The following MRTFB variants were observed in gnomAD, a reference collection of about 807,000 sequenced individuals.
The protein encoded by MRTFB is myocardin related transcription factor B.
Under a neutral mutation model 104.2 loss-of-function variants are expected in MRTFB, and 29 were observed. That is an observed-to-expected ratio of 0.28 (90% CI 0.21 to 0.38). The LOEUF is 0.38. Among genes scored for constraint, MRTFB ranks in the 10% least tolerant of loss-of-function variants. The pLI is 1.00. For synonymous variants in MRTFB, 535 were observed against 519.5 expected (o/e 1.03, Z -0.41); for missense variants, 1,270 against 1,341.6 (o/e 0.95, Z 0.83).
At chr16:14,239,325 C>G (rs1256127188) in intron 9 of MRTFB, among the ~76,000 whole-genome samples, 1 of 152,198 alleles carries the variant, frequency 6.6e-6, no homozygotes, top group African/African-American at 2.4e-5. Context: ...AGAAATGAGA[C>G]TATTCCTAAC....
At chr16:14,027,858 A>G in the MRTFB span, among the ~76,000 whole-genome samples, 7 of 152,218 alleles carry the variant, frequency 4.6e-5, no homozygotes, top group African/African-American at 1.4e-4. Context: ...GCAACTTACC[A>G]TGGTGTGTAG....
intron 2 of MRTFB, among the ~76,000 whole-genome samples, chr16:14,114,024 C>T (rs1258253661): frequency 6.6e-6 from 1 of 152,142 alleles, no homozygotes; most frequent in Non-Finnish European, 1.5e-5. Context: ...AAAATAGTTG[C>T]TATGGATTGC....
chr16:14,021,786 C>T, the MRTFB span, among the ~76,000 whole-genome samples: 7 of 152,272 alleles, frequency 4.6e-5, 1 homozygote, highest in South Asian at 1.0e-3. Flanking sequence ...AGTATTCCAT[C>T]GTATATACCA....
At chr16:14,245,029 G>GT (rs1398448012) in intron 10 of MRTFB, among the ~76,000 whole-genome samples, 1 of 152,188 alleles carries the variant, frequency 6.6e-6, no homozygotes, top group Non-Finnish European at 1.5e-5. Flanking sequence ...CAAGAGCCAT[G>GT]TTTTTTTCTG....
the MRTFB span, among the ~76,000 whole-genome samples, chr16:14,055,331 A>G: frequency 6.6e-6 from 1 of 152,232 alleles, no homozygotes; most frequent in Non-Finnish European, 1.5e-5. Context: ...AGCCTGGGCA[A>G]CAAGAGTGAA....
At chr16:14,121,317 A>G (rs1471981736) in intron 2 of MRTFB, among the ~76,000 whole-genome samples, 1 of 152,090 alleles carries the variant, frequency 6.6e-6, no homozygotes, top group Non-Finnish European at 1.5e-5. Context: ...TCTTTTGAAG[A>G]AAAGCTTCCA....
the MRTFB span, among the ~76,000 whole-genome samples, chr16:13,997,755 T>G: frequency 7.3e-6 from 1 of 137,216 alleles, no homozygotes; most frequent in Non-Finnish European, 1.5e-5. Flanking sequence ...TTTGCACCAC[T>G]GCGCTCCAGC....
intron 3 of MRTFB, among the ~76,000 whole-genome samples, chr16:14,204,184 C>T (rs573365132): frequency 6.6e-6 from 1 of 152,074 alleles, no homozygotes; most frequent in East Asian, 1.9e-4. Context: ...CTATGTTGCC[C>T]AGGCTGTTCT....
chr16:14,216,885 G>A (rs1439277949), intron 6 of MRTFB, among the ~76,000 whole-genome samples: 1 of 152,116 alleles, frequency 6.6e-6, no homozygotes. Context: ...TTGGTTTAAG[G>A]TCCTGTTAAT....
chr16:14,030,773 C>G, the MRTFB span, among the ~76,000 whole-genome samples: 1 of 152,162 alleles, frequency 6.6e-6, no homozygotes, highest in Non-Finnish European at 1.5e-5. Context: ...TTACCAGTCC[C>G]TAGTGGAACC....
At chr16:14,097,049 G>A (rs1427446952) in intron 2 of MRTFB, among the ~76,000 whole-genome samples, 1 of 152,132 alleles carries the variant, frequency 6.6e-6, no homozygotes, top group Non-Finnish European at 1.5e-5. Context: ...CATTGTTTTA[G>A]TCTACCTGTA....
At chr16:14,175,779 TAGAA>T (rs1352812091) in intron 3 of MRTFB, among the ~76,000 whole-genome samples, 2 of 152,142 alleles carry the variant, frequency 1.3e-5, no homozygotes, top group Non-Finnish European at 2.9e-5. Flanking sequence ...TACTCAGTAA[TAGAA>T]AGGAACCAAC....
At chr16:14,171,860 A>G (rs908916403) in intron 3 of MRTFB, among the ~76,000 whole-genome samples, 1 of 152,196 alleles carries the variant, frequency 6.6e-6, no homozygotes, top group African/African-American at 2.4e-5. Context: ...GGAGTTCAGT[A>G]TTTGTTCATA....
chr16:14,247,726 C>T, intron 12 of MRTFB: 1 of 564,580 alleles, frequency 1.8e-6, no homozygotes, highest in Non-Finnish European at 3.1e-6. Flanking sequence ...GTCCTGTTAC[C>T]TTTTCCCTTG....
Position 14,264,654 on chromosome 16 carries a change from T to C in MRTFB, c.*3210T>C, listed in dbSNP as rs1437345787. 3 of 152,258 alleles carry C rather than the reference T, an allele frequency of 2.0e-5. No homozygotes were observed. Among genetic ancestry groups the C allele is most frequent in the African/African-American group, 7.2e-5 (3 of 41,466 alleles). The allele number at this position is 152,258 out of a possible 1,614,324, so 9.4% of individuals were successfully genotyped here. On this transcript the variant is annotated 3_prime_UTR_variant, in exon 17 of 17. Coordinates refer to ENST00000571589, the MANE Select transcript of MRTFB (RefSeq NM_001308142.2). ...CCTTTTTAAAAGCCGCATGGTTCTG[T>C]GATCCATGTAACTGACACTTTTTGG...
At chr16:14,247,904 C>G (rs1267011704) in intron 12 of MRTFB, 2 of 178,462 alleles carry the variant, frequency 1.1e-5, no homozygotes, top group Non-Finnish European at 2.4e-5. Context: ...GTGATACCAC[C>G]CATCTCTGGA....
intron 2 of MRTFB, among the ~76,000 whole-genome samples, chr16:14,080,718 A>G (rs1179640578): frequency 2.0e-5 from 3 of 152,130 alleles, no homozygotes; most frequent in Non-Finnish European, 2.9e-5. Flanking sequence ...TATGAGATCA[A>G]CTTCTTCAGA....
chr16:14,056,899 C>T, the MRTFB span, among the ~76,000 whole-genome samples: 2 of 152,202 alleles, frequency 1.3e-5, no homozygotes, highest in Non-Finnish European at 2.9e-5. Context: ...TAACATCCCT[C>T]TTTCCCCTGT....
At position 14,177,361 on chromosome 16, in the gene MRTFB, T is replaced by C. The variant is rs887541745; in HGVS notation, c.155-32882T>C. ...CAGAGATGAATAAAATAGCATGGCA[T>C]GGTTTTTAAGTGCATTGTCCAGAGC... On this transcript the variant is annotated intron_variant, in intron 3 of 16. Transcript: ENST00000571589. The surrounding 1 kb of genome is among the most constrained non-coding windows in gnomAD (Gnocchi z 4.7). 6.6e-6 allele frequency among the ~76,000 whole-genome samples: 1 copy of C among 152,220 alleles called. No homozygotes were observed. Among genetic ancestry groups the C allele is most frequent in the South Asian group, 2.1e-4 (1 of 4,828 alleles).
Sources: allele counts gnomAD v4.1 joint callset (sites outside exome capture counted in the v4.1 genomes callset), GRCh38; gene constraint gnomAD v4.1.1; non-coding constraint Gnocchi (gnomAD v3.1); transcripts MANE v1.5; gene names NCBI Gene and HGNC (gene_info 2026-07-23, HGNC 2026-07-21).